The following SLC37A1 variants were observed in gnomAD, a reference collection of about 807,000 sequenced individuals.
The protein encoded by SLC37A1 is solute carrier family 37 member 1.
SLC37A1 carries 49 observed loss-of-function variants against 75.3 expected under a neutral mutation model. The observed-to-expected ratio is 0.65, with a 90% CI of 0.52 to 0.83. SLC37A1 has a LOEUF of 0.83. SLC37A1 is among the 40% of genes least tolerant of loss of function. The pLI is 0.00. For missense variants in SLC37A1, 566 were observed against 695.0 expected (o/e 0.81, Z 2.09); for synonymous variants, 268 against 292.1 (o/e 0.92, Z 0.84).
At chr21:42,549,991 T>G (rs1398659968) in intron 9 of SLC37A1, among the ~76,000 whole-genome samples, 3 of 152,192 alleles carry the variant, frequency 2.0e-5, no homozygotes, top group Non-Finnish European at 4.4e-5. Context: ...TACTATCCCT[T>G]CCCACCTCCT....
intron 17 of SLC37A1, 80 bp from the exon 18 acceptor site, chr21:42,574,738 G>A (rs2056268535): frequency 7.3e-7 from 1 of 1,364,752 alleles, no homozygotes; most frequent in South Asian, 1.2e-5. Context: ...GAGGTGTTGA[G>A]CCCCATTCTC....
intron 1 of SLC37A1, among the ~76,000 whole-genome samples, chr21:42,500,902 C>T (rs1049880470): frequency 6.6e-6 from 1 of 152,174 alleles, no homozygotes; most frequent in Non-Finnish European, 1.5e-5. Context: ...CACGCCCATA[C>T]CTGAGGTATG....
intron 18 of SLC37A1, chr21:42,575,438 T>C: frequency 1.0e-6 from 1 of 985,436 alleles, no homozygotes; most frequent in Non-Finnish European, 1.2e-6. Flanking sequence ...AGCAAAGAGG[T>C]TGCCAGTGCA....
intron 16 of SLC37A1, 66 bp downstream of exon 16, chr21:42,567,124 T>C: frequency 3.2e-6 from 5 of 1,549,264 alleles, no homozygotes; most frequent in Non-Finnish European, 3.5e-6. Context: ...ATGACAAAAG[T>C]GGCCTCCATT....
At chr21:42,513,475 G>C (rs1250864881), upstream of SLC37A1, among the ~76,000 whole-genome samples, 1 of 152,186 alleles carries the variant, frequency 6.6e-6, no homozygotes, top group Non-Finnish European at 1.5e-5. Context: ...CTTTGGGGGT[G>C]GGGGCGCGGC....
chr21:42,531,148 C>G (rs958449820), intron 3 of SLC37A1, among the ~76,000 whole-genome samples: 2 of 152,196 alleles, frequency 1.3e-5, no homozygotes, highest in Non-Finnish European at 2.9e-5. Flanking sequence ...AGTCTGTAGA[C>G]AGAAGACATT....
chr21:42,541,914 A>C (rs967825102), intron 6 of SLC37A1, among the ~76,000 whole-genome samples: 2 of 151,834 alleles, frequency 1.3e-5, no homozygotes, highest in Non-Finnish European at 2.9e-5. Context: ...GCTAATTTTT[A>C]ATTTTTTGTA....
At chr21:42,576,961 G>A (rs2056321515) in intron 18 of SLC37A1, among the ~76,000 whole-genome samples, 2 of 152,206 alleles carry the variant, frequency 1.3e-5, no homozygotes, top group Non-Finnish European at 2.9e-5. Context: ...GAAGATGATA[G>A]ACTGGATTTG....
At chr21:42,501,673 T>C (rs2054343329) in intron 1 of SLC37A1, among the ~76,000 whole-genome samples, 1 of 152,148 alleles carries the variant, frequency 6.6e-6, no homozygotes, top group African/African-American at 2.4e-5. Flanking sequence ...GATTGCACCA[T>C]TGCACTCTGG....
intron 1 of SLC37A1, among the ~76,000 whole-genome samples, chr21:42,517,943 G>A (rs1287934060): frequency 6.6e-6 from 1 of 152,200 alleles, no homozygotes; most frequent in Admixed American, 6.5e-5. Flanking sequence ...CACATAGCGT[G>A]GCTGCTGGAC....
intron 18 of SLC37A1, 77 bp from the exon 19 acceptor site, chr21:42,579,659 G>A (rs764117804): frequency 3.1e-5 from 48 of 1,540,416 alleles, no homozygotes; most frequent in Non-Finnish European, 4.3e-5. Flanking sequence ...TGCGGGCCAG[G>A]TCCTCATGGT....
chr21:42,558,400 A>C (rs1194796761), intron 10 of SLC37A1, among the ~76,000 whole-genome samples: 1 of 152,270 alleles, frequency 6.6e-6, no homozygotes, highest in African/African-American at 2.4e-5. Context: ...ATTTCGATAA[A>C]AATTACACAT....
At chr21:42,540,613 G>A (rs228071) in intron 6 of SLC37A1, among the ~76,000 whole-genome samples, 88,106 of 151,944 alleles carry the variant, frequency 0.58, 26,115 homozygotes, top group Admixed American at 0.69. Context: ...GAGCCCTTCC[G>A]GAATCTCCTG....
At chr21:42,532,481 C>T (rs1022187024) in intron 3 of SLC37A1, among the ~76,000 whole-genome samples, 4 of 152,114 alleles carry the variant, frequency 2.6e-5, no homozygotes, top group South Asian at 4.2e-4. Context: ...ATTGTAGTGG[C>T]GATGCTTAGG....
chr21:42,525,471 G>T (rs150756941), intron 2 of SLC37A1, among the ~76,000 whole-genome samples: 26 of 152,350 alleles, frequency 1.7e-4, no homozygotes, highest in Non-Finnish European at 2.5e-4. Context: ...GAATTGCTTG[G>T]TATATGGGGA....
chr21:42,563,934 C>CT, intron 13 of SLC37A1, 57 bp downstream of exon 13: 2 of 1,588,218 alleles, frequency 1.3e-6, no homozygotes, highest in East Asian at 2.2e-5. Flanking sequence ...CGCATGATCT[C>CT]TGAGTTGATT....
chr21:42,507,064 G>C (rs1390962318), intron 2 of SLC37A1, among the ~76,000 whole-genome samples: 3 of 151,872 alleles, frequency 2.0e-5, no homozygotes, highest in African/African-American at 7.3e-5. Context: ...TTGTATTTCA[G>C]TAGAGACGGG....
intron 8 of SLC37A1, among the ~76,000 whole-genome samples, chr21:42,546,858 A>G (rs2055419705): frequency 6.6e-6 from 1 of 152,276 alleles, no homozygotes; most frequent in African/African-American, 2.4e-5. Context: ...TGTTACAGAT[A>G]CATAGAGATA....
At chr21:42,556,474 G>A (rs1295163008) in intron 10 of SLC37A1, among the ~76,000 whole-genome samples, 1 of 152,232 alleles carries the variant, frequency 6.6e-6, no homozygotes, top group Non-Finnish European at 1.5e-5. Flanking sequence ...GGTGAGCTTA[G>A]CATTTTTAGA....
Sources: gnomAD v4.1 joint callset for allele counts (sites outside exome capture counted in the v4.1 genomes callset) on GRCh38, gnomAD v4.1.1 for gene constraint, MANE v1.5 for transcripts, NCBI Gene and HGNC (gene_info 2026-07-23, HGNC 2026-07-21) for gene names.